The following NRXN1 variants were observed in gnomAD, a reference collection of about 807,000 sequenced individuals.
The protein encoded by NRXN1 is neurexin 1.
Under a neutral mutation model 150.9 loss-of-function variants are expected in NRXN1, and 39 were observed. The observed-to-expected ratio is 0.26, with a 90% CI of 0.20 to 0.34. NRXN1 has a LOEUF of 0.34. Ranked by LOEUF, NRXN1 falls within the 10% of genes least tolerant of loss-of-function variation. The pLI is 1.00. For synonymous variants in NRXN1, 924 were observed against 757.0 expected (o/e 1.22, Z -3.62); for missense variants, 1,815 against 1,949.9 (o/e 0.93, Z 1.30).
intron 17 of NRXN1, among the ~76,000 whole-genome samples, chr2:50,459,965 C>T (rs1251914714): frequency 2.0e-5 from 3 of 151,908 alleles, no homozygotes; most frequent in Admixed American, 6.6e-5. Context: ...ATGATAAACA[C>T]GGATATATAA....
At chr2:50,110,385 G>A (rs566555470) in intron 18 of NRXN1, among the ~76,000 whole-genome samples, 2,126 of 151,546 alleles carry the variant, frequency 0.014, 30 homozygotes, top group Middle Eastern at 0.024. Context: ...CCAGCTGCTC[G>A]GGAGGCTGAG....
intron 19 of NRXN1, 62 bp from the exon 20 acceptor site, chr2:50,055,106 A>C: frequency 8.8e-7 from 1 of 1,134,888 alleles, no homozygotes; most frequent in Non-Finnish European, 1.3e-6. Flanking sequence ...TTAAAAGTTA[A>C]TACTTAAAGA....
At chr2:50,250,990 T>G (rs1320292117) in intron 17 of NRXN1, among the ~76,000 whole-genome samples, 2 of 141,544 alleles carry the variant, frequency 1.4e-5, no homozygotes, top group African/African-American at 5.3e-5. Flanking sequence ...TGTAATAAAT[T>G]TATTACACAT....
chr2:50,465,554 G>A lies in NRXN1; in HGVS notation c.3252C>T (p.Ser1084=), dbSNP rs2088734874. Residue 1084 remains serine (S), a synonymous_variant, in exon 17 of 23, where the codon AGC becomes AGT. Coordinates refer to ENST00000401669, the MANE Select transcript of NRXN1 (RefSeq NM_001330078.2). ...GQIERGCEGP[S]TTCQEDSCSN... is the part of the protein sequence containing the mutation. ...AACATGAGTCCTCTTGGCAGGTTGT[G>A]CTGGGCCCTGCAAAACAATCCAAAG... The A allele has an allele frequency of 1.2e-6, 2 of 1,606,798 alleles. No individual in the cohort carries two copies. Among genetic ancestry groups the A allele is most frequent in the Non-Finnish European group, 8.5e-7 (1 of 1,176,198 alleles).
chr2:50,579,060 T>G (rs1278952335), intron 8 of NRXN1, among the ~76,000 whole-genome samples: 1 of 152,172 alleles, frequency 6.6e-6, no homozygotes, highest in African/African-American at 2.4e-5. Context: ...TCTACAGAAA[T>G]CATCCAAGAT....
chr2:50,831,389 G>A (rs1218589218), intron 5 of NRXN1, among the ~76,000 whole-genome samples: 1 of 152,160 alleles, frequency 6.6e-6, no homozygotes, highest in African/African-American at 2.4e-5. Context: ...TTTAGCCAAT[G>A]TAAACATGTC....
chr2:50,598,878 T>C (rs1332000098), intron 8 of NRXN1, among the ~76,000 whole-genome samples: 2 of 151,658 alleles, frequency 1.3e-5, no homozygotes, highest in East Asian at 3.9e-4. Context: ...CTGCCTCAGC[T>C]GCCCAAGTAG....
chr2:49,979,771 A>C (rs1679654094), intron 21 of NRXN1, among the ~76,000 whole-genome samples: 2 of 152,174 alleles, frequency 1.3e-5, no homozygotes, highest in Non-Finnish European at 2.9e-5. Flanking sequence ...TAATTGAAGC[A>C]CTACTTTGAG....
At chr2:50,925,705 T>C (rs149195256) in intron 3 of NRXN1, among the ~76,000 whole-genome samples, 127 of 152,064 alleles carry the variant, frequency 8.4e-4, no homozygotes, top group African/African-American at 2.9e-3. Context: ...CTAAGCTTCA[T>C]ATGGGATGCT....
chr2:50,917,673 C>T (rs1423336876), intron 5 of NRXN1: 1 of 151,512 alleles, frequency 6.6e-6, no homozygotes, highest in Non-Finnish European at 1.5e-5. Flanking sequence ...AGTGAGGACA[C>T]AAAGAGAAGG....
At chr2:50,522,690 G>T (rs1485556478) in intron 12 of NRXN1, among the ~76,000 whole-genome samples, 1 of 145,102 alleles carries the variant, frequency 6.9e-6, no homozygotes, top group African/African-American at 2.6e-5. Context: ...TAATTTAAAT[G>T]GGCTTCCATT....
intron 2 of NRXN1, among the ~76,000 whole-genome samples, chr2:50,993,493 T>G (rs1021407264): frequency 2.0e-5 from 3 of 151,974 alleles, no homozygotes; most frequent in African/African-American, 2.4e-5. Context: ...TGCCTGACAC[T>G]TGGTTGCAAT....
Position 50,347,542 on chromosome 2 carries a change from G to C in NRXN1, c.3365-110572C>G. The C allele has an allele frequency of 1.9e-6, 2 of 1,043,108 alleles. No homozygotes were observed. The highest frequency in any genetic ancestry group is 2.9e-5 in the South Asian group (1 of 34,028). 64.6% of individuals were successfully genotyped at this position (1,043,108 alleles called of 1,614,324 possible). On this transcript the variant is annotated intron_variant, in intron 17 of 22. Coordinates refer to ENST00000401669, the MANE Select transcript of NRXN1 (RefSeq NM_001330078.2). The surrounding 1 kb of genome is among the most constrained non-coding windows in gnomAD (Gnocchi z 4.9). ...TCGCCCGCTAGCGCCAGCCTCCCCC[G>C]GGCAGCGCGCGGAGCAGCGGCGCGC...
At chr2:50,489,757 T>C (rs2091129068) in intron 15 of NRXN1, among the ~76,000 whole-genome samples, 2 of 152,190 alleles carry the variant, frequency 1.3e-5, no homozygotes, top group South Asian at 4.1e-4. Context: ...GAAGGAATTT[T>C]TAAAAAATGC....
At chr2:50,809,336 T>A in intron 5 of NRXN1, among the ~76,000 whole-genome samples, 1 of 152,106 alleles carries the variant, frequency 6.6e-6, no homozygotes, top group Non-Finnish European at 1.5e-5. Context: ...TTTTAAATTA[T>A]TTCTGTCCCA....
At position 49,920,354 on chromosome 2, in the gene NRXN1, GATATAT is replaced by G. The variant is rs574307405; in HGVS notation, c.*1584_*1589del. ...GTTCATCATGCACATCAGATTCAGA[GATATAT>G]ATATTATTTTATTAGAAAGAAAGTT... On this transcript the variant is annotated 3_prime_UTR_variant, in exon 23 of 23. Transcript: ENST00000401669. The G allele has an allele frequency of 6.6e-5, 10 of 152,476 alleles. No individual in the cohort carries two copies. The highest frequency in any genetic ancestry group is 1.2e-4 in the Non-Finnish European group (8 of 68,016). 9.4% of individuals were successfully genotyped at this position (152,476 alleles called of 1,614,324 possible). A position where few individuals can be genotyped will look rare whatever the true frequency, so the allele number is the denominator to read the frequency against.
chr2:50,408,335 C>G (rs2082899701), intron 17 of NRXN1, among the ~76,000 whole-genome samples: 1 of 152,166 alleles, frequency 6.6e-6, no homozygotes, highest in Non-Finnish European at 1.5e-5. Context: ...TGAGCACTTA[C>G]CATGTCCACA....
chr2:50,177,770 ACTAACTCTCT>A (rs1443616683), intron 18 of NRXN1, among the ~76,000 whole-genome samples: 2,734 of 107,256 alleles, frequency 0.025, 77 homozygotes, highest in African/African-American at 0.091. Context: ...AAACTAACTA[ACTAACTCTCT>A]CTCTCTCTCT....
At position 51,026,326 on chromosome 2, in the gene NRXN1, C is replaced by G. The variant is rs1267516951; in HGVS notation, c.772+1176G>C. On this transcript the variant is annotated intron_variant, in intron 2 of 22. Transcript: ENST00000401669. ...AGCTATCTACTTTAAATCCTGACAT[C>G]TCCTACTTAGCCACTGATTCGTCTT... 4.8e-6 allele frequency: 6 copies of G among 1,252,814 alleles called. No homozygotes were observed. In the Admixed American group the frequency reaches 1.2e-4, roughly 25 times the overall value. 77.6% of individuals were successfully genotyped at this position (1,252,814 alleles called of 1,614,324 possible).
Sources: gnomAD v4.1 joint callset for allele counts (sites outside exome capture counted in the v4.1 genomes callset) on GRCh38, gnomAD v4.1.1 for gene constraint, Gnocchi (gnomAD v3.1) non-coding constraint, MANE v1.5 for transcripts, NCBI Gene and HGNC (gene_info 2026-07-23, HGNC 2026-07-21) for gene names.